The following FAM220A variants were observed in gnomAD, a reference collection of about 807,000 sequenced individuals.
FAM220A encodes the protein family with sequence similarity 220 member A.
For missense variants in FAM220A, 392 were observed against 321.6 expected, an observed-to-expected ratio of 1.22 and a Z score of -1.68; for synonymous variants, 141 against 130.7, an observed-to-expected ratio of 1.08 and a Z score of -0.54.
rs374435901 is a variant in FAM220A at position 6,344,815 on chromosome 7, A to G, written c.-82+3758T>C. Among the ~76,000 whole-genome samples the G allele has an allele frequency of 9.9e-5, 15 of 151,846 alleles. No individual in the cohort carries two copies. In the East Asian group the frequency reaches 2.3e-3, roughly 24 times the overall value. On this transcript the variant is annotated intron_variant, in intron 1 of 1. Transcript: ENST00000313324. ...GAGTGCAATGGCACGAACTTGGCTC[A>G]CTGTAACCTCCACCTCCCAGGGTTC...
chr7:6,348,384 G>A (rs1781996083), intron 1 of FAM220A, among the ~76,000 whole-genome samples, 189 bp downstream of exon 1: 1 of 152,190 alleles, frequency 6.6e-6, no homozygotes, highest in African/African-American at 2.4e-5. Flanking sequence ...GACCCCCAGT[G>A]CCGCGTTTGC....
chr7:6,339,274 C>T (rs2115139592), intron 1 of FAM220A, among the ~76,000 whole-genome samples: 1 of 152,078 alleles, frequency 6.6e-6, no homozygotes, highest in South Asian at 2.1e-4. Flanking sequence ...CGGAGACCAG[C>T]CTGAGCAACA....
chr7:6,345,828 G>T (rs1015436102), intron 1 of FAM220A, among the ~76,000 whole-genome samples: 1 of 151,936 alleles, frequency 6.6e-6, no homozygotes, highest in Admixed American at 6.6e-5. Flanking sequence ...GAGTGCAGTA[G>T]GGTGATCTTG....
chr7:6,333,665 AT>A (rs59062194), intron 1 of FAM220A, among the ~76,000 whole-genome samples: 185 of 146,576 alleles, frequency 1.3e-3, no homozygotes, highest in Non-Finnish European at 1.4e-3. Context: ...CACCTGGCAA[AT>A]TTTTTTTTTT....
At position 6,333,548 on chromosome 7, in the gene FAM220A, G is replaced by C. The variant is rs1042719380; in HGVS notation, c.-81-2313C>G. On this transcript the variant is annotated intron_variant, in intron 1 of 1. Coordinates refer to ENST00000313324, the MANE Select transcript of FAM220A (RefSeq NM_001037163.2). ...AGGTCTCACTCTGCCTCCCAGGCTG[G>C]AGGACAATGGCGTGATCACAGCTCA... 7.2e-5 allele frequency among the ~76,000 whole-genome samples: 11 copies of C among 152,224 alleles called. No homozygotes were observed. In the East Asian group the frequency reaches 1.5e-3, roughly 21 times the overall value.
chr7:6,330,291 C>G lies in FAM220A; in HGVS notation c.*84G>C, dbSNP rs1781602108. On this transcript the variant is annotated 3_prime_UTR_variant, in exon 2 of 2. Transcript: ENST00000313324. ...CTACAGCAGGAACCTAAGGGCTGCA[C>G]AGTTTGCATCCAGACTTAATGCGAA... The G allele has an allele frequency of 1.5e-6, 2 of 1,290,804 alleles. No individual in the cohort carries two copies. The highest frequency in any genetic ancestry group is 2.2e-5 in the Admixed American group (1 of 44,628). The allele number at this position is 1,290,804 out of a possible 1,614,324, so 80.0% of individuals were successfully genotyped here.
Position 6,348,902 on chromosome 7 carries a change from C to G in FAM220A, c.-411G>C, listed in dbSNP as rs921828566. On this transcript the variant is annotated 5_prime_UTR_variant, in exon 1 of 2. Transcript: ENST00000313324. ...CGGGCGGGCCGCAGTGGAGCGGAGTCCGCACGTCACGCTCGGAGAAGTGCC... is the reference window on the plus strand; with the variant it reads ...CGGGCGGGCCGCAGTGGAGCGGAGTGCGCACGTCACGCTCGGAGAAGTGCC... 1 of 387,014 alleles carries G rather than the reference C, an allele frequency of 2.6e-6. No individual in the cohort carries two copies. Among genetic ancestry groups the G allele is most frequent in the South Asian group, 1.4e-4 (1 of 7,020 alleles). 24.0% of individuals were successfully genotyped at this position (387,014 alleles called of 1,614,324 possible).
Position 6,330,615 on chromosome 7 carries a change from G to T in FAM220A, c.540C>A (p.Gly180=). The part of the protein sequence containing the change: ...DPPSAFPKGL[G]SELEPACLHS... ...GCAGGCAAGCGGGTTCCAACTCAGA[G>T]CCCAGACCCTTGGGAAAAGCACTTG... is the stretch of plus-strand genomic sequence containing the variant. The change falls in exon 2 of 2, where the codon GGC becomes GGA. Residue 180 remains glycine, a synonymous_variant. Coordinates refer to ENST00000313324, the MANE Select transcript of FAM220A (RefSeq NM_001037163.2). The T allele has an allele frequency of 6.2e-7, 1 of 1,614,144 alleles. No individual in the cohort carries two copies. The highest frequency in any genetic ancestry group is 8.5e-7 in the Non-Finnish European group (1 of 1,180,042).
At chr7:6,335,013 C>T (rs936341007) in intron 1 of FAM220A, among the ~76,000 whole-genome samples, 2 of 151,482 alleles carry the variant, frequency 1.3e-5, no homozygotes, top group Admixed American at 6.6e-5. Flanking sequence ...GTGATCCACC[C>T]GCCTTGGCCT....
At chr7:6,334,235 T>C (rs1292624570) in intron 1 of FAM220A, among the ~76,000 whole-genome samples, 2 of 151,424 alleles carry the variant, frequency 1.3e-5, no homozygotes, top group African/African-American at 4.8e-5. Context: ...GCTAAAGTAT[T>C]TTTTTAAAGT....
intron 1 of FAM220A, among the ~76,000 whole-genome samples, chr7:6,348,304 TC>T (rs1335830012): frequency 6.6e-6 from 1 of 151,770 alleles, no homozygotes; most frequent in Non-Finnish European, 1.5e-5. Context: ...TCAACACCTT[TC>T]CAGCCCATGC....
intron 1 of FAM220A, among the ~76,000 whole-genome samples, chr7:6,333,379 G>C (rs1295572322): frequency 6.6e-6 from 1 of 152,102 alleles, no homozygotes; most frequent in African/African-American, 2.4e-5. Flanking sequence ...GCTACACTGT[G>C]ATGGACAGAC....
Position 6,334,260 on chromosome 7 carries a change from G to A in FAM220A, c.-81-3025C>T, listed in dbSNP as rs187001328. ...TTTTTTAAAGTTGTTGACTGGCTGGGCGCAGTGGCTCACGCCTGTAATCCC... is the reference window on the plus strand; with the variant it reads ...TTTTTTAAAGTTGTTGACTGGCTGGACGCAGTGGCTCACGCCTGTAATCCC... On this transcript the variant is annotated intron_variant, in intron 1 of 1. Transcript: ENST00000313324. Among the ~76,000 whole-genome samples the A allele has an allele frequency of 4.6e-4, 70 of 151,360 alleles. 1 individual carries two copies. The highest frequency in any genetic ancestry group is 1.5e-3 in the African/African-American group (63 of 41,334).
chr7:6,333,078 A>G, intron 1 of FAM220A, among the ~76,000 whole-genome samples: 1 of 150,406 alleles, frequency 6.6e-6, no homozygotes, highest in Non-Finnish European at 1.5e-5. Flanking sequence ...AATTGCGTGA[A>G]CCCGGGAGGC....
intron 1 of FAM220A, among the ~76,000 whole-genome samples, chr7:6,333,898 G>C (rs367703279): frequency 2.3e-4 from 33 of 141,398 alleles, no homozygotes; most frequent in East Asian, 4.2e-4. Context: ...CCAGGCTGGA[G>C]TGCAGTGGCG....
At chr7:6,342,224 TTC>T (rs939471898) in intron 1 of FAM220A, among the ~76,000 whole-genome samples, 9 of 151,890 alleles carry the variant, frequency 5.9e-5, no homozygotes, top group African/African-American at 1.7e-4. Context: ...TACTTTCTCT[TTC>T]TCTCTCTCTC....
At chr7:6,336,758 C>T (rs1468303822) in intron 1 of FAM220A, among the ~76,000 whole-genome samples, 3 of 150,736 alleles carry the variant, frequency 2.0e-5, no homozygotes, top group Non-Finnish European at 4.4e-5. Flanking sequence ...AAGGTTGGGT[C>T]ATCACCTCAC....
intron 1 of FAM220A, among the ~76,000 whole-genome samples, chr7:6,336,215 G>A (rs1407689899): frequency 2.6e-5 from 4 of 151,574 alleles, no homozygotes; most frequent in East Asian, 1.9e-4. Flanking sequence ...GGGTGGTGGT[G>A]CACACCTGTA....
chr7:6,335,459 C>T (rs1781726752), intron 1 of FAM220A, among the ~76,000 whole-genome samples: 1 of 151,922 alleles, frequency 6.6e-6, no homozygotes, highest in African/African-American at 2.4e-5. Context: ...ATGTCCTGAC[C>T]TCAGGTGATC....
Sources: gnomAD v4.1 joint callset for allele counts (sites outside exome capture counted in the v4.1 genomes callset) on GRCh38, gnomAD v4.1.1 for gene constraint, MANE v1.5 for transcripts, NCBI Gene and HGNC (gene_info 2026-07-23, HGNC 2026-07-21) for gene names.